Variants in FBN2 observed in about 807,000 individuals in gnomAD.
The protein encoded by FBN2 is fibrillin 2, also known as fibrillin-2.
In FBN2, 105 loss-of-function variants were observed where a neutral mutation model predicts 355.6. That is an observed-to-expected ratio of 0.30 (90% confidence interval 0.25 to 0.35). FBN2 has a LOEUF of 0.35. Among genes scored for constraint, FBN2 ranks in the 10% least tolerant of loss-of-function variants. The probability of loss-of-function intolerance (pLI) is 1.00; values close to 1 mark genes in which losing one functional copy is unlikely to be tolerated. For missense variants in FBN2, 3,280 were observed against 3,758.7 expected, an observed-to-expected ratio of 0.87 and a Z score of 3.33; for synonymous variants, 1,350 against 1,301.2, an observed-to-expected ratio of 1.04 and a Z score of -0.81.
At chr5:128,425,117 C>A (rs1753452887) in intron 7 of FBN2, among the ~76,000 whole-genome samples, 1 of 151,212 alleles carries the variant, frequency 6.6e-6, no homozygotes, top group African/African-American at 2.4e-5. Flanking sequence ...AAATTTAAGA[C>A]ACATTAGGAC....
chr5:128,453,995 C>A (rs183873378), intron 6 of FBN2, among the ~76,000 whole-genome samples: 215 of 151,168 alleles, frequency 1.4e-3, no homozygotes, highest in South Asian at 5.1e-3. Flanking sequence ...GGCTTGCCCC[C>A]CCCCCAAGTT....
At chr5:128,386,280 C>T (rs939771513) in intron 11 of FBN2, among the ~76,000 whole-genome samples, 2 of 151,866 alleles carry the variant, frequency 1.3e-5, no homozygotes, top group Non-Finnish European at 2.9e-5. Flanking sequence ...GAATAGGGAG[C>T]CCTTTCTTTG....
intron 42 of FBN2, among the ~76,000 whole-genome samples, chr5:128,306,621 T>C (rs1009526373): frequency 6.7e-6 from 1 of 150,246 alleles, no homozygotes; most frequent in African/African-American, 2.5e-5. Context: ...AAACTCCATC[T>C]CAAAAAAAAA....
At chr5:128,477,578 T>C (rs569598735) in intron 5 of FBN2, among the ~76,000 whole-genome samples, 1 of 152,318 alleles carries the variant, frequency 6.6e-6, no homozygotes, top group East Asian at 1.9e-4. Context: ...TAGTACTTTA[T>C]AGCCATCATT....
chr5:128,388,690 C>G (rs1199558885), intron 11 of FBN2, among the ~76,000 whole-genome samples: 1 of 152,138 alleles, frequency 6.6e-6, no homozygotes, highest in Non-Finnish European at 1.5e-5. Flanking sequence ...TGTAGGGTTC[C>G]TGCTGAAAGG....
chr5:128,438,694 C>T (rs930940053), intron 7 of FBN2, among the ~76,000 whole-genome samples: 8 of 152,096 alleles, frequency 5.3e-5, no homozygotes, highest in East Asian at 3.9e-4. Context: ...TACATTGTTC[C>T]GGGGAGACAA....
At chr5:128,526,088 T>G (rs559553003) in intron 4 of FBN2, among the ~76,000 whole-genome samples, 2 of 152,236 alleles carry the variant, frequency 1.3e-5, no homozygotes, top group Non-Finnish European at 2.9e-5. Flanking sequence ...TTACATAAAA[T>G]TATTCTAAAG....
chr5:128,408,900 T>G, intron 7 of FBN2, 101 bp from the exon 8 acceptor site: 1 of 1,273,640 alleles, frequency 7.9e-7, no homozygotes, highest in Non-Finnish European at 1.1e-6. Context: ...TCATGGTTGA[T>G]TAGGTCAGAT....
At chr5:128,327,664 G>A (rs1470238599) in intron 34 of FBN2, among the ~76,000 whole-genome samples, 1 of 149,242 alleles carries the variant, frequency 6.7e-6, no homozygotes, top group Non-Finnish European at 1.5e-5. Context: ...TTTAGACTGA[G>A]TTTCGCTCTT....
At chr5:128,301,299 T>A in intron 47 of FBN2, 83 bp downstream of exon 47, 1 of 1,222,750 alleles carries the variant, frequency 8.2e-7, no homozygotes, top group South Asian at 1.2e-5. Context: ...TATTAATGAG[T>A]TCTTAAGTGA....
At chr5:128,469,657 A>C (rs1176273838) in intron 5 of FBN2, among the ~76,000 whole-genome samples, 1 of 152,218 alleles carries the variant, frequency 6.6e-6, no homozygotes, top group East Asian at 1.9e-4. Flanking sequence ...ATCAAGACAC[A>C]AGATACAGTG....
chr5:128,366,478 T>C lies in FBN2; in HGVS notation c.2249-48A>G, dbSNP rs1009159400. 3 of 1,145,980 alleles carry C rather than the reference T, an allele frequency of 2.6e-6. No individual in the cohort carries two copies. In the African/African-American group the frequency reaches 4.6e-5, roughly 17 times the overall value. The allele number at this position is 1,145,980 out of a possible 1,614,324, so 71.0% of individuals were successfully genotyped here. A position where few individuals can be genotyped will look rare whatever the true frequency, so the allele number is the denominator to read the frequency against. On this transcript the variant is annotated intron_variant, in intron 16 of 64. Coordinates refer to ENST00000262464, the MANE Select transcript of FBN2 (RefSeq NM_001999.4). Reference sequence around the variant, plus strand: ...AGAATTAAAAACTTAACTATACCTATTCCATATACAAGTCATTTCATAACT... The same window carrying C: ...AGAATTAAAAACTTAACTATACCTACTCCATATACAAGTCATTTCATAACT...
intron 5 of FBN2, among the ~76,000 whole-genome samples, chr5:128,494,574 T>A (rs1410794226): frequency 1.3e-5 from 2 of 152,144 alleles, no homozygotes; most frequent in South Asian, 4.1e-4. Flanking sequence ...CAGAAATTAG[T>A]GAGGCCTAAC....
rs1023942727 is a variant in FBN2, at chr5:128,271,986, A to C, written c.7960+13T>G. 2.6e-5 allele frequency: 42 copies of C among 1,613,830 alleles called. No individual in the cohort carries two copies. The highest frequency in any genetic ancestry group is 3.5e-5 in the Non-Finnish European group (41 of 1,179,900). On this transcript the variant is annotated intron_variant, in intron 62 of 64. Transcript: ENST00000262464. The stretch of plus-strand genomic sequence containing the variant: ...TGAGAAAAGCAAGTGCGATGGAAGA[A>C]AAGAGCACTCACCGACACACTGATT...
At position 128,259,834 on chromosome 5, in the gene FBN2, A is replaced by G. The variant is rs1237152538; in HGVS notation, c.8365-5T>C. ...CTCTAGGCTGATCTGTTCAACCTGGAGGAAGAACAGGAAATGATTTGGGAC... is the reference window on the plus strand; with the variant it reads ...CTCTAGGCTGATCTGTTCAACCTGGGGGAAGAACAGGAAATGATTTGGGAC... On this transcript the variant is annotated splice_polypyrimidine_tract_variant and splice_region_variant and intron_variant, in intron 64 of 64. Transcript: ENST00000262464. 1 of 1,613,180 alleles carries G rather than the reference A, an allele frequency of 6.2e-7. No individual in the cohort carries two copies. The highest frequency in any genetic ancestry group is 1.3e-5 in the African/African-American group (1 of 74,700).
At chr5:128,277,475 A>G (rs1194751816) in intron 58 of FBN2, among the ~76,000 whole-genome samples, 3 of 152,268 alleles carry the variant, frequency 2.0e-5, no homozygotes, top group Non-Finnish European at 4.4e-5. Context: ...ACACATATTC[A>G]TAAGAAAAAG....
At chr5:128,414,190 T>G (rs565219848) in intron 7 of FBN2, among the ~76,000 whole-genome samples, 1 of 152,182 alleles carries the variant, frequency 6.6e-6, no homozygotes, top group Non-Finnish European at 1.5e-5. Context: ...ATGATTTTAG[T>G]GTAGTCACAA....
At chr5:128,463,260 T>C (rs1376051118) in intron 6 of FBN2, among the ~76,000 whole-genome samples, 2 of 152,058 alleles carry the variant, frequency 1.3e-5, no homozygotes, top group South Asian at 2.1e-4. Flanking sequence ...GAAGAAACTG[T>C]TGCACTACCA....
chr5:128,337,168 A>G (rs1561777451), intron 27 of FBN2, among the ~76,000 whole-genome samples: 1 of 152,246 alleles, frequency 6.6e-6, no homozygotes, highest in Non-Finnish European at 1.5e-5. Flanking sequence ...AAATAAGAAC[A>G]TAAAAACCTT....
Sources: allele counts gnomAD v4.1 joint callset (sites outside exome capture counted in the v4.1 genomes callset), GRCh38; gene constraint gnomAD v4.1.1; transcripts MANE v1.5; gene names NCBI Gene and HGNC (gene_info 2026-07-23, HGNC 2026-07-21).